The following NFIB variants were observed in gnomAD, a reference collection of about 807,000 sequenced individuals.
The protein encoded by NFIB is nuclear factor I B, also known as nuclear factor 1 B-type.
A neutral mutation model predicts 61.5 loss-of-function variants in NFIB; 11 were observed. The ratio of observed to expected loss-of-function variants is 0.18; its 90% CI spans 0.11 to 0.30. The LOEUF is 0.30. Among genes scored for constraint, NFIB ranks in the 10% least tolerant of loss-of-function variants. The pLI is 1.00. For synonymous variants in NFIB, 260 were observed against 216.5 expected (o/e 1.20, Z -1.76); for missense variants, 471 against 608.9 (o/e 0.77, Z 2.38).
intron 6 of NFIB, among the ~76,000 whole-genome samples, chr9:14,140,107 T>C (rs796245016): frequency 7.2e-5 from 11 of 152,326 alleles, no homozygotes; most frequent in African/African-American, 2.2e-4. Flanking sequence ...ATTTGAATAT[T>C]TGCCATTTCA....
At chr9:14,101,679 T>C (rs908525256) in intron 10 of NFIB, among the ~76,000 whole-genome samples, 21 of 152,214 alleles carry the variant, frequency 1.4e-4, no homozygotes, top group Non-Finnish European at 2.5e-4. Context: ...AATTTGTTCT[T>C]AAATAAAATA....
At position 14,221,352 on chromosome 9, in the gene NFIB, C is replaced by A. The variant is rs563734308; in HGVS notation, c.563-41572G>T. 6.6e-5 allele frequency among the ~76,000 whole-genome samples: 10 copies of A among 152,290 alleles called. No homozygotes were observed. The South Asian group carries it at 2.1e-3, about 32-fold the overall frequency. Reference sequence around the variant, plus strand: ...ATCTGACACAGAAATCATAAGAACTCTATAAGGTATAAATAGATTTGGTTG... The same window carrying A: ...ATCTGACACAGAAATCATAAGAACTATATAAGGTATAAATAGATTTGGTTG... On this transcript the variant is annotated intron_variant, in intron 2 of 10. Coordinates refer to ENST00000380953, the MANE Select transcript of NFIB (RefSeq NM_001190737.2).
intron 3 of NFIB, among the ~76,000 whole-genome samples, chr9:14,177,160 C>A (rs1265599139): frequency 6.6e-6 from 1 of 152,114 alleles, no homozygotes; most frequent in African/African-American, 2.4e-5. Context: ...ATACATGGAT[C>A]GTGCCTTCTC....
the NFIB span, among the ~76,000 whole-genome samples, chr9:14,505,707 G>C: frequency 1.3e-5 from 2 of 152,110 alleles, no homozygotes; most frequent in African/African-American, 2.4e-5. Flanking sequence ...ATTGGGGAGG[G>C]GGAACAGAGA....
chr9:14,180,783 T>C (rs2046679012), intron 2 of NFIB: 1 of 152,280 alleles, frequency 6.6e-6, no homozygotes, highest in African/African-American at 2.4e-5. Flanking sequence ...CTCCTCAGTG[T>C]GCTGTTCATG....
chr9:14,463,988 A>G, the NFIB span, among the ~76,000 whole-genome samples: 117 of 152,258 alleles, frequency 7.7e-4, no homozygotes, highest in Non-Finnish European at 1.4e-3. Context: ...AACACAATCT[A>G]CGATGGGGTC....
At chr9:14,207,031 TAGTA>T (rs2049811394) in intron 2 of NFIB, among the ~76,000 whole-genome samples, 2 of 152,320 alleles carry the variant, frequency 1.3e-5, no homozygotes, top group African/African-American at 2.4e-5. Context: ...AATAAAATAA[TAGTA>T]AGGCTAACAG....
chr9:14,172,772 C>A (rs1180059355), intron 3 of NFIB, among the ~76,000 whole-genome samples: 2 of 151,766 alleles, frequency 1.3e-5, no homozygotes, highest in Non-Finnish European at 2.9e-5. Flanking sequence ...AAAAATTCAA[C>A]ACTTTTTTTT....
chr9:14,496,370 C>T, the NFIB span, among the ~76,000 whole-genome samples: 4 of 152,100 alleles, frequency 2.6e-5, no homozygotes, highest in East Asian at 3.9e-4. Flanking sequence ...GACTGCAACC[C>T]GTCACATGAG....
intron 2 of NFIB, among the ~76,000 whole-genome samples, chr9:14,263,398 A>G (rs1010206731): frequency 1.3e-5 from 2 of 152,188 alleles, no homozygotes; most frequent in African/African-American, 4.8e-5. Context: ...ATTCCCCTTC[A>G]TTAACAAAAC....
chr9:14,426,411 T>G, the NFIB span, among the ~76,000 whole-genome samples: 13 of 152,222 alleles, frequency 8.5e-5, no homozygotes, highest in Non-Finnish European at 1.9e-4. Flanking sequence ...GTGAACTGAT[T>G]TGCATGTCTA....
rs1254681611 is a variant in NFIB, at chr9:14,313,079, C to T, written c.30+403G>A. 1.3e-5 allele frequency among the ~76,000 whole-genome samples: 2 copies of T among 152,202 alleles called. No individual in the cohort carries two copies. Among genetic ancestry groups the T allele is most frequent in the South Asian group, 4.1e-4 (2 of 4,828 alleles). ...CACTGGCTGTTTTTAAAAGCTTAGT[C>T]CCCCGTAAAGTCCTCCAAAGCCCGA... On this transcript the variant is annotated intron_variant, in intron 1 of 10. Transcript: ENST00000380953. The surrounding 1 kb of genome is among the most constrained non-coding windows in gnomAD (Gnocchi z 4.5).
At chr9:14,274,038 A>C (rs1467522623) in intron 2 of NFIB, among the ~76,000 whole-genome samples, 1 of 152,154 alleles carries the variant, frequency 6.6e-6, no homozygotes, top group Non-Finnish European at 1.5e-5. Context: ...GTCTTGTTAA[A>C]AGAGCCACGA....
chr9:14,382,887 C>A (rs2061504961), intron 1 of NFIB, among the ~76,000 whole-genome samples: 1 of 152,082 alleles, frequency 6.6e-6, no homozygotes, highest in Non-Finnish European at 1.5e-5. Flanking sequence ...ATGGTAGAAG[C>A]TTTTGCAGAA....
chr9:14,446,256 G>T, the NFIB span, among the ~76,000 whole-genome samples: 1 of 152,186 alleles, frequency 6.6e-6, no homozygotes, highest in Admixed American at 6.5e-5. Context: ...AGGATTAACT[G>T]GGTTTGAATC....
intron 1 of NFIB, among the ~76,000 whole-genome samples, chr9:14,334,876 A>G (rs1160710721): frequency 6.6e-6 from 1 of 152,134 alleles, no homozygotes; most frequent in Non-Finnish European, 1.5e-5. Flanking sequence ...CCACTGATCT[A>G]CTTTCTATCA....
intron 2 of NFIB, among the ~76,000 whole-genome samples, chr9:14,299,860 G>T (rs1469193276): frequency 3.3e-5 from 5 of 152,122 alleles, no homozygotes; most frequent in African/African-American, 1.2e-4. Context: ...AATTTTGAAG[G>T]TTTTTTAAAA....
chr9:14,440,471 T>C, the NFIB span, among the ~76,000 whole-genome samples: 3 of 152,204 alleles, frequency 2.0e-5, no homozygotes, highest in Non-Finnish European at 4.4e-5. Context: ...AATATACTTG[T>C]TGAATTACAC....
At chr9:14,488,266 A>C in the NFIB span, among the ~76,000 whole-genome samples, 1 of 151,874 alleles carries the variant, frequency 6.6e-6, no homozygotes, top group Admixed American at 6.6e-5. Flanking sequence ...AAGGGGCTGC[A>C]GTGGGAGGAT....
Sources: gnomAD v4.1 joint callset for allele counts (sites outside exome capture counted in the v4.1 genomes callset) on GRCh38, gnomAD v4.1.1 for gene constraint, Gnocchi (gnomAD v3.1) non-coding constraint, MANE v1.5 for transcripts, NCBI Gene and HGNC (gene_info 2026-07-23, HGNC 2026-07-21) for gene names.